The following ETV6 variants were observed in gnomAD, a reference collection of about 807,000 sequenced individuals.
ETV6 encodes the protein ETS variant transcription factor 6.
ETV6 carries 16 observed loss-of-function variants against 51.1 expected under a neutral mutation model. That is an observed-to-expected ratio of 0.31 (90% CI 0.21 to 0.48). The LOEUF (loss-of-function observed/expected upper bound fraction) is 0.48, where lower values mean the gene tolerates loss of function less well. Ranked by LOEUF, ETV6 falls within the 20% of genes least tolerant of loss-of-function variation. The pLI is 0.99. For synonymous variants in ETV6, 240 were observed against 224.1 expected (o/e 1.07, Z -0.64); for missense variants, 458 against 594.8 (o/e 0.77, Z 2.39).
intron 1 of ETV6, among the ~76,000 whole-genome samples, chr12:11,744,882 A>G (rs906009796): frequency 5.3e-5 from 8 of 151,388 alleles, no homozygotes; most frequent in African/African-American, 1.9e-4. Flanking sequence ...CTTACTATCC[A>G]TGTTAGAAAT....
intron 2 of ETV6, among the ~76,000 whole-genome samples, chr12:11,802,799 T>A (rs944104151): frequency 6.6e-6 from 1 of 152,236 alleles, no homozygotes; most frequent in East Asian, 1.9e-4. Context: ...GTCTCCAATG[T>A]TGGGAATTCC....
At chr12:11,653,047 G>C (rs1863936782) in intron 1 of ETV6, among the ~76,000 whole-genome samples, 1 of 151,652 alleles carries the variant, frequency 6.6e-6, no homozygotes, top group Admixed American at 6.6e-5. Flanking sequence ...GAGCACTCCT[G>C]GGGGGGTCTG....
chr12:11,859,173 G>A (rs187299700), intron 4 of ETV6, among the ~76,000 whole-genome samples: 1,296 of 105,546 alleles, frequency 0.012, 89 homozygotes, highest in African/African-American at 0.049. Flanking sequence ...AAGGAGTCTT[G>A]CTCTGTCGCC....
intron 1 of ETV6, among the ~76,000 whole-genome samples, chr12:11,695,703 C>G (rs1358715542): frequency 6.6e-6 from 1 of 152,130 alleles, no homozygotes; most frequent in Non-Finnish European, 1.5e-5. Flanking sequence ...TGTTTGTGTT[C>G]TCCAGGCGCC....
At position 11,894,134 on chromosome 12, in the gene ETV6, G is replaced by A. The variant is rs1270896126; in HGVS notation, c.*3088G>A. ...CCTGCTGGACACTGAGGGACCCAAA[G>A]CTCAATCAGCCATAATCCCTGCTTT... On this transcript the variant is annotated 3_prime_UTR_variant, in exon 8 of 8. Coordinates refer to ENST00000396373, the MANE Select transcript of ETV6 (RefSeq NM_001987.5). The A allele has an allele frequency of 4.3e-6, 1 of 230,866 alleles. No homozygotes were observed. Among genetic ancestry groups the A allele is most frequent in the Non-Finnish European group, 8.6e-6 (1 of 116,782 alleles). 14.3% of individuals were successfully genotyped at this position (230,866 alleles called of 1,614,324 possible).
chr12:11,882,797 A>T (rs1004659011), intron 5 of ETV6, among the ~76,000 whole-genome samples: 14 of 152,194 alleles, frequency 9.2e-5, no homozygotes, highest in African/African-American at 3.4e-4. Context: ...AGAAGGGTGT[A>T]TGTTTCTCTG....
chr12:11,842,226 C>T (rs1014412208), intron 3 of ETV6, among the ~76,000 whole-genome samples: 3 of 152,094 alleles, frequency 2.0e-5, no homozygotes, highest in Non-Finnish European at 4.4e-5. Flanking sequence ...TGTCTGATTG[C>T]CTCCTCACAT....
chr12:11,843,957 G>A (rs1332967967), intron 3 of ETV6, among the ~76,000 whole-genome samples: 1 of 151,886 alleles, frequency 6.6e-6, no homozygotes, highest in African/African-American at 2.4e-5. Flanking sequence ...ATAAATGGAA[G>A]GGATCCCAAT....
chr12:11,701,834 A>C (rs972140382), intron 1 of ETV6, among the ~76,000 whole-genome samples: 1 of 152,200 alleles, frequency 6.6e-6, no homozygotes, highest in Non-Finnish European at 1.5e-5. Flanking sequence ...AAGAGTTCAA[A>C]GGAGAGGTCA....
chr12:11,779,750 A>T (rs1945383944), intron 2 of ETV6, among the ~76,000 whole-genome samples: 1 of 152,224 alleles, frequency 6.6e-6, no homozygotes, highest in Non-Finnish European at 1.5e-5. Context: ...GAGCTTTTCC[A>T]GATAGCCAAG....
chr12:11,745,987 G>A (rs1865900704), intron 1 of ETV6, among the ~76,000 whole-genome samples: 1 of 152,172 alleles, frequency 6.6e-6, no homozygotes, highest in Non-Finnish European at 1.5e-5. Flanking sequence ...GTCATGCCAT[G>A]AGAACTTTTC....
At chr12:11,717,249 G>A (rs868685448) in intron 1 of ETV6, among the ~76,000 whole-genome samples, 20 of 152,226 alleles carry the variant, frequency 1.3e-4, no homozygotes, top group African/African-American at 4.3e-4. Context: ...AGACAAACCT[G>A]GAGCCAAGGG....
At chr12:11,701,437 T>G (rs1266890045) in intron 1 of ETV6, among the ~76,000 whole-genome samples, 1 of 152,236 alleles carries the variant, frequency 6.6e-6, no homozygotes, top group South Asian at 2.1e-4. Context: ...TTATCCATGT[T>G]GTAGCATGTG....
chr12:11,822,709 T>C (rs1163579477), intron 2 of ETV6, among the ~76,000 whole-genome samples: 2 of 152,206 alleles, frequency 1.3e-5, no homozygotes. Flanking sequence ...TGTAAAGTGC[T>C]TTTGTCAGTG....
chr12:11,893,856 AT>A lies in ETV6; in HGVS notation c.*2811del, dbSNP rs2136626156. ...TATATATATATACACACACACACAC[AT>A]ACACAAATATTCCAGGATACAAAAA... On this transcript the variant is annotated 3_prime_UTR_variant, in exon 8 of 8. Transcript: ENST00000396373. The A allele has an allele frequency of 6.1e-6, 1 of 164,734 alleles. No homozygotes were observed. The highest frequency in any genetic ancestry group is 1.2e-5 in the Non-Finnish European group (1 of 80,074). The allele number at this position is 164,734 out of a possible 1,614,324, so 10.2% of individuals were successfully genotyped here.
Position 11,661,914 on chromosome 12 carries a change from T to C in ETV6, c.33+11754T>C, listed in dbSNP as rs113726171. Among the ~76,000 whole-genome samples the C allele has an allele frequency of 4.5e-4, 68 of 152,284 alleles. 2 individuals are homozygous for C. The South Asian group carries it at 6.6e-3, about 15-fold the overall frequency. On this transcript the variant is annotated intron_variant, in intron 1 of 7. Coordinates refer to ENST00000396373, the MANE Select transcript of ETV6 (RefSeq NM_001987.5). ...GGTCAGATGTGGCTTTGGAACACAA[T>C]GGAATCCAGGGGGAATGTTGGCGAG...
chr12:11,789,519 G>T (rs573236426), intron 2 of ETV6, among the ~76,000 whole-genome samples: 1 of 151,968 alleles, frequency 6.6e-6, no homozygotes, highest in Non-Finnish European at 1.5e-5. Flanking sequence ...TCTCTCCTTC[G>T]GGTGTGAGTC....
chr12:11,891,140 G>T lies in ETV6; in HGVS notation c.*94G>T, dbSNP rs1051462404. 4.0e-6 allele frequency: 4 copies of T among 1,003,986 alleles called. No individual in the cohort carries two copies. Among genetic ancestry groups the T allele is most frequent in the Non-Finnish European group, 6.1e-6 (4 of 657,998 alleles). The allele number at this position is 1,003,986 out of a possible 1,614,324, so 62.2% of individuals were successfully genotyped here. A position where few individuals can be genotyped will look rare whatever the true frequency, so the allele number is the denominator to read the frequency against. On this transcript the variant is annotated 3_prime_UTR_variant, in exon 8 of 8. Coordinates refer to ENST00000396373, the MANE Select transcript of ETV6 (RefSeq NM_001987.5). ...TGTGACGGAGCAGGCGGGCTGAGGA[G>T]AGTGGAAAAGGAAGCGACCCAGAAA...
intron 1 of ETV6, among the ~76,000 whole-genome samples, chr12:11,745,390 C>A (rs144750339): frequency 6.6e-6 from 1 of 152,240 alleles, no homozygotes; most frequent in African/African-American, 2.4e-5. Flanking sequence ...GAAAGGCCTT[C>A]CTTCTAGTGC....
Sources: allele counts gnomAD v4.1 joint callset (sites outside exome capture counted in the v4.1 genomes callset), GRCh38; gene constraint gnomAD v4.1.1; transcripts MANE v1.5; gene names NCBI Gene and HGNC (gene_info 2026-07-23, HGNC 2026-07-21).